BRAF: variants seen among roughly 807,000 people sequenced by gnomAD.
The protein encoded by BRAF is serine/threonine-protein kinase B-raf.
In BRAF, 16 loss-of-function variants were observed where a neutral mutation model predicts 104.6. The observed-to-expected ratio is 0.15, with a 90% CI of 0.10 to 0.23. The LOEUF is 0.23. Ranked by LOEUF, BRAF falls within the 10% of genes least tolerant of loss-of-function variation. The probability of loss-of-function intolerance (pLI) is 1.00; values close to 1 mark genes in which losing one functional copy is unlikely to be tolerated. For missense variants in BRAF, 541 were observed against 937.3 expected (o/e 0.58, Z 5.52); for synonymous variants, 310 against 341.6 (o/e 0.91, Z 1.02).
rs1023297101 is a variant in BRAF, at chr7:140,765,400, A to G, written c.1815-11167T>C. 3.3e-5 allele frequency among the ~76,000 whole-genome samples: 5 copies of G among 152,262 alleles called. No homozygotes were observed. The South Asian group carries it at 8.3e-4, about 25-fold the overall frequency. ...GGACATAGGCATGGGCAAGGACTTC[A>G]TGTCTAAAACACCAAAAGCAATGGC... is the stretch of plus-strand genomic sequence containing the variant. On this transcript the variant is annotated intron_variant, in intron 14 of 19. Transcript: ENST00000644969.
intron 3 of BRAF, among the ~76,000 whole-genome samples, chr7:140,814,970 G>A (rs552484826): frequency 1.4e-4 from 21 of 151,386 alleles, no homozygotes; most frequent in African/African-American, 4.4e-4. Context: ...CAGTGCAGAC[G>A]ATTATATGCC....
intron 14 of BRAF, among the ~76,000 whole-genome samples, chr7:140,756,442 A>G (rs963679849): frequency 1.3e-5 from 2 of 152,152 alleles, no homozygotes; most frequent in Non-Finnish European, 2.9e-5. Flanking sequence ...ATCCCTACAT[A>G]AGATAATGTT....
At chr7:140,906,664 GGA>G (rs1563029792) in intron 1 of BRAF, among the ~76,000 whole-genome samples, 2 of 152,190 alleles carry the variant, frequency 1.3e-5, no homozygotes, top group East Asian at 3.9e-4. Context: ...AAGAGCTGAT[GGA>G]GTTTGTTCAA....
intron 8 of BRAF, among the ~76,000 whole-genome samples, chr7:140,790,617 C>T (rs1249258443): frequency 2.0e-5 from 3 of 152,142 alleles, no homozygotes; most frequent in Non-Finnish European, 4.4e-5. Context: ...ATAATTTGCC[C>T]AACATCACAC....
At position 140,764,506 on chromosome 7, in the gene BRAF, T is replaced by C. The variant is rs1458824698; in HGVS notation, c.1815-10273A>G. Among the ~76,000 whole-genome samples the C allele has an allele frequency of 4.0e-5, 6 of 151,264 alleles. No individual in the cohort carries two copies. The highest frequency in any genetic ancestry group is 7.4e-5 in the Non-Finnish European group (5 of 67,904). ...TCAATTAGGAAAAGAGGAAGTCAAA[T>C]TGTCCCTGTTTGCAGACGACATGAT... On this transcript the variant is annotated intron_variant, in intron 14 of 19. Transcript: ENST00000644969.
intron 14 of BRAF, among the ~76,000 whole-genome samples, chr7:140,772,348 C>T (rs1053087229): frequency 2.0e-5 from 3 of 152,104 alleles, no homozygotes; most frequent in African/African-American, 7.2e-5. Context: ...ATAGGCCGGG[C>T]CTGGTGGCTT....
intron 12 of BRAF, 107 bp from the exon 12 acceptor site, chr7:140,778,182 T>C (rs1800515625): frequency 1.1e-6 from 1 of 945,002 alleles, no homozygotes; most frequent in East Asian, 2.6e-5. Context: ...CTCCATACCA[T>C]TATTAAATCA....
At chr7:140,758,324 T>C (rs1258403341) in intron 14 of BRAF, 1 of 152,202 alleles carries the variant, frequency 6.6e-6, no homozygotes, top group Non-Finnish European at 1.5e-5. Flanking sequence ...TGGCATTCTG[T>C]TACTTCTCTG....
chr7:140,726,290 C>T lies in BRAF; in HGVS notation c.*204G>A, dbSNP rs1237521031. On this transcript the variant is annotated 3_prime_UTR_variant, in exon 20 of 20. Coordinates refer to ENST00000644969, the MANE Select transcript of BRAF (RefSeq NM_001374258.1). ...GCTCGTGGTATTTTTGTTGAAGAAACACTGGCAGCAGAGAATTCTGGTTCC... is the reference window on the plus strand; with the variant it reads ...GCTCGTGGTATTTTTGTTGAAGAAATACTGGCAGCAGAGAATTCTGGTTCC... The T allele has an allele frequency of 4.2e-6, 6 of 1,413,366 alleles. No homozygotes were observed. The highest frequency in any genetic ancestry group is 3.0e-5 in the Admixed American group (1 of 33,214). 87.6% of individuals were successfully genotyped at this position (1,413,366 alleles called of 1,614,324 possible). A position where few individuals can be genotyped will look rare whatever the true frequency, so the allele number is the denominator to read the frequency against.
intron 1 of BRAF, among the ~76,000 whole-genome samples, chr7:140,917,356 C>A (rs1422119805): frequency 6.6e-6 from 1 of 152,182 alleles, no homozygotes; most frequent in Admixed American, 6.5e-5. Context: ...CCACCATGCC[C>A]GGCCCCACTG....
intron 14 of BRAF, among the ~76,000 whole-genome samples, chr7:140,765,464 T>G (rs1799213886): frequency 6.6e-6 from 1 of 151,978 alleles, no homozygotes; most frequent in African/African-American, 2.4e-5. Flanking sequence ...CTAACTAAAC[T>G]AAAGAGCTTC....
chr7:140,725,616 T>C lies in BRAF; in HGVS notation c.*878A>G, dbSNP rs770468636. The C allele has an allele frequency of 4.8e-5, 51 of 1,058,682 alleles. No individual in the cohort carries two copies. The highest frequency in any genetic ancestry group is 5.8e-5 in the Non-Finnish European group (51 of 875,202). 65.6% of individuals were successfully genotyped at this position (1,058,682 alleles called of 1,614,324 possible). On this transcript the variant is annotated 3_prime_UTR_variant, in exon 20 of 20. Transcript: ENST00000644969. Reference sequence around the variant, plus strand: ...ACGGCATTTTGTGCCCTGGACAAAGTAGCCGCATAAGTAGTTGGTGACTGG... The same window carrying C: ...ACGGCATTTTGTGCCCTGGACAAAGCAGCCGCATAAGTAGTTGGTGACTGG...
At chr7:140,715,286 G>A (rs1226045655), downstream of BRAF, among the ~76,000 whole-genome samples, 1 of 152,198 alleles carries the variant, frequency 6.6e-6, no homozygotes, top group Non-Finnish European at 1.5e-5. Flanking sequence ...CTTGCAAGGG[G>A]TGCTGGGGAC....
chr7:140,727,680 G>A (rs1013590420), intron 19 of BRAF, among the ~76,000 whole-genome samples: 18 of 151,930 alleles, frequency 1.2e-4, no homozygotes, highest in African/African-American at 4.1e-4. Context: ...GAGTGCAGTG[G>A]TGCGATCTCG....
chr7:140,818,602 C>T (rs1805138279), intron 3 of BRAF, among the ~76,000 whole-genome samples: 1 of 152,180 alleles, frequency 6.6e-6, no homozygotes, highest in Non-Finnish European at 1.5e-5. Flanking sequence ...CATGAGCCAA[C>T]ACGCCAGCAC....
intron 3 of BRAF, chr7:140,824,262 A>C (rs1442946556): frequency 6.6e-6 from 1 of 152,222 alleles, no homozygotes; most frequent in Non-Finnish European, 1.5e-5. Context: ...TTCTTGTAGT[A>C]AAAGTTTTAT....
At chr7:140,875,529 A>G (rs1297806499) in intron 1 of BRAF, among the ~76,000 whole-genome samples, 1 of 152,134 alleles carries the variant, frequency 6.6e-6, no homozygotes, top group Admixed American at 6.5e-5. Context: ...GTGCCCGCGA[A>G]CACGCCTGGC....
rs1230133314 is a variant in BRAF at position 140,721,721 on chromosome 7, A to G, written c.*4773T>C. On this transcript the variant is annotated 3_prime_UTR_variant, in exon 20 of 20. Coordinates refer to ENST00000644969, the MANE Select transcript of BRAF (RefSeq NM_001374258.1). ...TTCAAGGATGTGCTGGAGACAATAC[A>G]TGGACTTTCTCTTTCAATGGTGAGG... is the stretch of plus-strand genomic sequence containing the variant. 5.9e-6 allele frequency: 9 copies of G among 1,520,938 alleles called. No homozygotes were observed. The highest frequency in any genetic ancestry group is 1.7e-4 in the Middle Eastern group (1 of 5,966). 94.2% of individuals were successfully genotyped at this position (1,520,938 alleles called of 1,614,324 possible).
At chr7:140,736,288 C>T (rs1172123676) in intron 18 of BRAF, among the ~76,000 whole-genome samples, 5 of 151,208 alleles carry the variant, frequency 3.3e-5, no homozygotes, top group Non-Finnish European at 2.9e-5. Flanking sequence ...AGGCTGGTCT[C>T]GAACTCCTAA....
Sources: allele counts gnomAD v4.1 joint callset (sites outside exome capture counted in the v4.1 genomes callset), GRCh38; gene constraint gnomAD v4.1.1; transcripts MANE v1.5; gene names NCBI Gene and HGNC (gene_info 2026-07-23, HGNC 2026-07-21).